Variants in RAPGEF2 observed in about 807,000 individuals in gnomAD.
RAPGEF2 encodes the protein Rap guanine nucleotide exchange factor 2.
A neutral mutation model predicts 186.7 loss-of-function variants in RAPGEF2; 54 were observed. The ratio of observed to expected loss-of-function variants is 0.29; its 90% CI spans 0.23 to 0.36. The LOEUF (loss-of-function observed/expected upper bound fraction) is 0.36. Ranked by LOEUF, RAPGEF2 falls within the 10% of genes least tolerant of loss-of-function variation. RAPGEF2 has a pLI of 1.00. For synonymous variants in RAPGEF2, 712 were observed against 705.9 expected, an observed-to-expected ratio of 1.01 and a Z score of -0.14; for missense variants, 1,532 against 2,045.0, an observed-to-expected ratio of 0.75 and a Z score of 4.84.
chr4:159,284,912 GCGT>G (rs1314164422), intron 7 of RAPGEF2, among the ~76,000 whole-genome samples: 1 of 152,110 alleles, frequency 6.6e-6, no homozygotes, highest in Non-Finnish European at 1.5e-5. Context: ...AATTAGCGGG[GCGT>G]GGTGGAGCAT....
intron 7 of RAPGEF2, among the ~76,000 whole-genome samples, chr4:159,278,159 A>G (rs1759184914): frequency 1.3e-5 from 2 of 152,204 alleles, no homozygotes; most frequent in Admixed American, 6.5e-5. Flanking sequence ...AGTTTTCTAC[A>G]TATGGTTAGC....
At chr4:159,197,831 C>T (rs1228029849) in intron 3 of RAPGEF2, among the ~76,000 whole-genome samples, 2 of 152,210 alleles carry the variant, frequency 1.3e-5, no homozygotes, top group Non-Finnish European at 2.9e-5. Context: ...AGTTTGCTTT[C>T]TGGTCTCAAA....
chr4:159,254,148 G>A (rs1026714355), intron 7 of RAPGEF2, among the ~76,000 whole-genome samples: 3 of 152,268 alleles, frequency 2.0e-5, no homozygotes, highest in East Asian at 3.9e-4. Context: ...GCTTTATCAA[G>A]GACACTTTAA....
At chr4:159,334,491 C>T (rs1767126589) in intron 17 of RAPGEF2, among the ~76,000 whole-genome samples, 1 of 152,250 alleles carries the variant, frequency 6.6e-6, no homozygotes, top group Admixed American at 6.5e-5. Context: ...TCAAATGATC[C>T]ACCCACCTGG....
intron 1 of RAPGEF2, among the ~76,000 whole-genome samples, chr4:159,111,823 G>A (rs1738529345): frequency 6.6e-6 from 1 of 152,026 alleles, no homozygotes; most frequent in African/African-American, 2.4e-5. Context: ...GGAAATAATG[G>A]GGAGAGATCC....
intron 3 of RAPGEF2, among the ~76,000 whole-genome samples, chr4:159,198,636 G>C (rs1209143775): frequency 1.3e-5 from 2 of 150,822 alleles, no homozygotes; most frequent in Non-Finnish European, 3.0e-5. Flanking sequence ...AGTAGTGCTG[G>C]GGTTTCGCCA....
intron 1 of RAPGEF2, among the ~76,000 whole-genome samples, chr4:159,169,432 T>TA (rs1745669792): frequency 6.6e-6 from 1 of 152,234 alleles, no homozygotes; most frequent in Non-Finnish European, 1.5e-5. Flanking sequence ...TACCTCAACT[T>TA]ATTTTTTGTG....
chr4:159,329,846 GT>G lies in RAPGEF2; in HGVS notation c.1150-8del. 1 of 1,606,070 alleles carries G rather than the reference GT, an allele frequency of 6.2e-7. No individual in the cohort carries two copies. Among genetic ancestry groups the G allele is most frequent in the Non-Finnish European group, 8.5e-7 (1 of 1,175,814 alleles). ...ACTTTATCATTAACATGTGACTTAT[GT>G]TTTATTCCAGTTTGTCTGCATAGCC... is the stretch of plus-strand genomic sequence containing the variant. On this transcript the variant is annotated splice_polypyrimidine_tract_variant and intron_variant, in intron 11 of 29. Coordinates refer to ENST00000691494, the MANE Select transcript of RAPGEF2 (RefSeq NM_001394067.2).
In RAPGEF2 at chr4:159,341,426, T is replaced by C. The variant is rs1458263817; in HGVS notation, c.2535-138T>C. ...ACTGAGATAGCAGCTGTGCTGTCTG[T>C]CTTGGTTAAAAAGAAATCTTCCATA... On this transcript the variant is annotated intron_variant, in intron 19 of 29. Coordinates refer to ENST00000691494, the MANE Select transcript of RAPGEF2 (RefSeq NM_001394067.2). 4 of 852,136 alleles carry C rather than the reference T, an allele frequency of 4.7e-6. No individual in the cohort carries two copies. In the African/African-American group the frequency reaches 5.1e-5, roughly 11 times the overall value. The allele number at this position is 852,136 out of a possible 1,614,324, so 52.8% of individuals were successfully genotyped here.
rs553666814 is a variant in RAPGEF2, at chr4:159,284,822, G to C, written c.544-19520G>C. Among the ~76,000 whole-genome samples, 242 of 152,298 alleles carry C rather than the reference G, an allele frequency of 1.6e-3. 1 individual carries two copies. The highest frequency in any genetic ancestry group is 5.0e-3 in the African/African-American group (206 of 41,560). On this transcript the variant is annotated intron_variant, in intron 7 of 29. Coordinates refer to ENST00000691494, the MANE Select transcript of RAPGEF2 (RefSeq NM_001394067.2). ...AATCGCAACCCTTTGGGAGGCCAAG[G>C]CGGGAGATCACTTGAGCCCAAGAGT...
chr4:159,261,284 C>T (rs58657301), intron 7 of RAPGEF2, among the ~76,000 whole-genome samples: 4 of 150,078 alleles, frequency 2.7e-5, no homozygotes, highest in Non-Finnish European at 4.4e-5. Context: ...GGATGGTCTC[C>T]ATCTCCTGAC....
intron 6 of RAPGEF2, 60 bp downstream of exon 6, chr4:159,241,428 A>C: frequency 8.8e-7 from 1 of 1,135,896 alleles, no homozygotes; most frequent in Non-Finnish European, 1.1e-6. Context: ...GGTTTTGTGA[A>C]AAGATGTTTA....
intron 4 of RAPGEF2, among the ~76,000 whole-genome samples, chr4:159,217,728 T>C (rs1435474933): frequency 6.6e-6 from 1 of 152,248 alleles, no homozygotes. Flanking sequence ...TTGAGAAATG[T>C]CCAACCTGTT....
intron 1 of RAPGEF2, among the ~76,000 whole-genome samples, chr4:159,105,010 G>T (rs1737721906): frequency 6.6e-6 from 1 of 152,182 alleles, no homozygotes; most frequent in African/African-American, 2.4e-5. Flanking sequence ...GTCAAAATTA[G>T]ATAAGTTTGT....
At chr4:159,109,949 A>G (rs1004595392) in intron 1 of RAPGEF2, among the ~76,000 whole-genome samples, 5 of 152,180 alleles carry the variant, frequency 3.3e-5, no homozygotes, top group Non-Finnish European at 7.3e-5. Context: ...AGTTCTGTTA[A>G]AGACTGATGT....
rs1213325391 is a variant in RAPGEF2, at chr4:159,240,765, G to C, written c.358-436G>C. On this transcript the variant is annotated intron_variant, in intron 5 of 29. Transcript: ENST00000691494. ...AAGCCATTCTGTTAGCACTGTTTTT[G>C]AGTCATTCAGGATTTGGAAGTTTTT... Among the ~76,000 whole-genome samples the C allele has an allele frequency of 2.0e-5, 3 of 150,514 alleles. No individual in the cohort carries two copies. The South Asian group carries it at 6.3e-4, about 32-fold the overall frequency.
At chr4:159,146,433 G>T (rs968438302) in intron 1 of RAPGEF2, among the ~76,000 whole-genome samples, 1 of 150,390 alleles carries the variant, frequency 6.6e-6, no homozygotes, top group Non-Finnish European at 1.5e-5. Context: ...AAGCCTAAAT[G>T]TTTAAATCTT....
intron 4 of RAPGEF2, among the ~76,000 whole-genome samples, chr4:159,231,013 A>T (rs1347813056): frequency 1.3e-5 from 2 of 152,182 alleles, no homozygotes; most frequent in African/African-American, 4.8e-5. Flanking sequence ...GTAGTCATGC[A>T]CTGTGTAATA....
At chr4:159,163,588 A>C (rs1056492183) in intron 1 of RAPGEF2, among the ~76,000 whole-genome samples, 1 of 152,242 alleles carries the variant, frequency 6.6e-6, no homozygotes, top group African/African-American at 2.4e-5. Context: ...TGTTTACTTA[A>C]ATGCATAAAT....
Sources: allele counts gnomAD v4.1 joint callset (sites outside exome capture counted in the v4.1 genomes callset), GRCh38; gene constraint gnomAD v4.1.1; transcripts MANE v1.5; gene names NCBI Gene and HGNC (gene_info 2026-07-23, HGNC 2026-07-21).